The following STAM2 variants were observed in gnomAD, a reference collection of about 807,000 sequenced individuals.
STAM2 encodes the protein signal transducing adapter molecule 2.
STAM2 carries 51 observed loss-of-function variants against 65.6 expected under a neutral mutation model. That is an observed-to-expected ratio of 0.78 (90% CI 0.62 to 0.98). The LOEUF is 0.98. Ranked by LOEUF, STAM2 falls within the 50% of genes least tolerant of loss-of-function variation. The pLI is 0.00. For missense variants in STAM2, 584 were observed against 617.8 expected (o/e 0.95, Z 0.58); for synonymous variants, 198 against 208.4 (o/e 0.95, Z 0.43).
At chr2:152,121,918 C>G (rs757983854) in intron 13 of STAM2, among the ~76,000 whole-genome samples, 2 of 151,730 alleles carry the variant, frequency 1.3e-5, no homozygotes, top group Non-Finnish European at 2.9e-5. Flanking sequence ...TGTGGTGGCA[C>G]GCGCCTGTAG....
chr2:152,150,422 G>A (rs1327432881), intron 1 of STAM2, among the ~76,000 whole-genome samples, 193 bp from the exon 2 acceptor site: 2 of 152,142 alleles, frequency 1.3e-5, no homozygotes, highest in African/African-American at 4.8e-5. Context: ...AATATCTTGA[G>A]GTAAAGCAAT....
chr2:152,161,011 T>C (rs1262792829), intron 1 of STAM2, among the ~76,000 whole-genome samples: 1 of 152,058 alleles, frequency 6.6e-6, no homozygotes, highest in African/African-American at 2.4e-5. Flanking sequence ...CAACAGCTCA[T>C]TGAGAGTGGG....
rs758630598 is a variant in STAM2, at chr2:152,133,310, G to A, written c.883-50C>T. 8.4e-6 allele frequency: 13 copies of A among 1,544,750 alleles called. No homozygotes were observed. In the South Asian group the frequency reaches 1.4e-4, roughly 16 times the overall value. Reference sequence around the variant, plus strand: ...CAAAAACTCAAGAGTTTTAACTTCAGTAAATATGAAATTACTCTTTCCAAG... The same window carrying A: ...CAAAAACTCAAGAGTTTTAACTTCAATAAATATGAAATTACTCTTTCCAAG... On this transcript the variant is annotated intron_variant, in intron 9 of 13. Transcript: ENST00000263904.
chr2:152,162,790 G>A (rs554358355), intron 1 of STAM2, among the ~76,000 whole-genome samples: 6 of 148,324 alleles, frequency 4.0e-5, no homozygotes, highest in Non-Finnish European at 7.4e-5. Context: ...ATAGGCGCAC[G>A]CCACCATGCC....
intron 8 of STAM2, among the ~76,000 whole-genome samples, chr2:152,135,126 C>T (rs1353567780): frequency 6.6e-6 from 1 of 152,212 alleles, no homozygotes; most frequent in Non-Finnish European, 1.5e-5. Flanking sequence ...CAACCACAAC[C>T]TCCCCACACC....
At chr2:152,141,661 G>C (rs986853578) in intron 7 of STAM2, among the ~76,000 whole-genome samples, 1 of 151,226 alleles carries the variant, frequency 6.6e-6, no homozygotes, top group Non-Finnish European at 1.5e-5. Context: ...CACGATCTCG[G>C]CTCACTGCAA....
chr2:152,144,909 C>CT lies in STAM2; in HGVS notation c.495dup (p.Glu166ArgfsTer3). ...TTACCTTTAGCTATGTCTTCATCCT[C>CT]TTTGTTTTTGTTCGATGACGTACCA... On this transcript the variant is annotated frameshift_variant, in exon 6 of 14. Transcript: ENST00000263904. LOFTEE classifies it high-confidence loss of function. 6.2e-7 allele frequency: 1 copy of CT among 1,613,992 alleles called. No individual in the cohort carries two copies. The highest frequency in any genetic ancestry group is 2.2e-5 in the East Asian group (1 of 44,866).
rs769816210 is a variant in STAM2 at position 152,133,224 on chromosome 2, T to C, written c.919A>G (p.Ile307Val). Reference protein sequence around the residue: ...MDRALQVLQSIDPTDSKPDSQ... With the variant: ...MDRALQVLQSVDPTDSKPDSQ... ...TCTGGTTTTGAATCTGTTGGATCTA[T>C]ACTCTGAAGTACCTGCAGGGCTCTA... is the stretch of plus-strand genomic sequence containing the variant. Residue 307 changes from isoleucine (I) to valine (V), a missense_variant, in exon 10 of 14, where the codon ATA becomes GTA. By Grantham distance (29) the Ile-to-Val change is conservative. Transcript: ENST00000263904. The C allele has an allele frequency of 7.5e-6, 12 of 1,610,306 alleles. No homozygotes were observed. Among genetic ancestry groups the C allele is most frequent in the Non-Finnish European group, 9.3e-6 (11 of 1,178,486 alleles).
In STAM2 at chr2:152,147,184, G is replaced by A; in HGVS notation, c.425C>T (p.Thr142Ile). Reference sequence around the variant, plus strand: ...CACCTGAGAACCTGCTGGAGGAAAAGTAATTCCTTCTTCTTTCATAGATTT... The same window carrying A: ...CACCTGAGAACCTGCTGGAGGAAAAATAATTCCTTCTTCTTTCATAGATTT... Reference protein sequence around the residue: ...TIKSMKEEGITFPPAGSQTVS... With the variant: ...TIKSMKEEGIIFPPAGSQTVS... The change falls in exon 5 of 14, where the codon ACT (threonine) becomes ATT (isoleucine). Residue 142 changes from threonine to isoleucine, a missense_variant. Thr to Ile is a moderately conservative substitution (Grantham distance 89, BLOSUM62 -1). Transcript: ENST00000263904. 1 of 1,607,430 alleles carries A rather than the reference G, an allele frequency of 6.2e-7. No homozygotes were observed. Among genetic ancestry groups the A allele is most frequent in the Non-Finnish European group, 8.5e-7 (1 of 1,178,046 alleles).
rs531404435 is a variant in STAM2, at chr2:152,173,207, G to A, written c.40+2396C>T. ...CTGAATGAAGAGTGAACAAAGGAATGACCAAAAAAAAAAAAGGGTAACAAA... is the reference window on the plus strand; with the variant it reads ...CTGAATGAAGAGTGAACAAAGGAATAACCAAAAAAAAAAAAGGGTAACAAA... On this transcript the variant is annotated intron_variant, in intron 1 of 13. Transcript: ENST00000263904. Among the ~76,000 whole-genome samples, 375 of 140,212 alleles carry A rather than the reference G, an allele frequency of 2.7e-3. 4 individuals carry two copies. Among genetic ancestry groups the A allele is most frequent in the Middle Eastern group, 0.025 (7 of 280 alleles). 92.0% of individuals were successfully genotyped at this position (140,212 alleles called of 152,430 possible).
chr2:152,144,889 TTTA>T lies in STAM2; in HGVS notation c.513_515del (p.Lys172del), dbSNP rs1416825439. On this transcript the variant is annotated inframe_deletion and splice_region_variant, in exon 6 of 14. Coordinates refer to ENST00000263904, the MANE Select transcript of STAM2 (RefSeq NM_005843.6). ...AATTACATGTGCTTGATCATTTACC[TTTA>T]GCTATGTCTTCATCCTCTTTGTTTT... is the stretch of plus-strand genomic sequence containing the variant. The T allele has an allele frequency of 2.5e-6, 4 of 1,613,194 alleles. No individual in the cohort carries two copies. The highest frequency in any genetic ancestry group is 3.4e-6 in the Non-Finnish European group (4 of 1,179,284).
chr2:152,139,038 C>T (rs1280691115), intron 7 of STAM2, among the ~76,000 whole-genome samples: 2 of 152,114 alleles, frequency 1.3e-5, no homozygotes, highest in Non-Finnish European at 2.9e-5. Flanking sequence ...CAACTCCTTC[C>T]CAGCCCTAAT....
chr2:152,139,359 G>T (rs1477457218), intron 7 of STAM2, among the ~76,000 whole-genome samples: 3 of 152,060 alleles, frequency 2.0e-5, no homozygotes, highest in African/African-American at 7.2e-5. Flanking sequence ...GTACCTTCAG[G>T]CTAAGCACTG....
At chr2:152,156,145 C>T (rs1480654881) in intron 1 of STAM2, among the ~76,000 whole-genome samples, 1 of 152,086 alleles carries the variant, frequency 6.6e-6, no homozygotes, top group Non-Finnish European at 1.5e-5. Flanking sequence ...TCTAAAGCCG[C>T]CCAACAATTT....
intron 11 of STAM2, among the ~76,000 whole-genome samples, chr2:152,127,427 C>A (rs1230504161): frequency 6.6e-6 from 1 of 151,820 alleles, no homozygotes; most frequent in Non-Finnish European, 1.5e-5. Context: ...AAAGAAAATT[C>A]TCAATTTGGG....
intron 5 of STAM2, among the ~76,000 whole-genome samples, chr2:152,146,422 A>T (rs1160579516): frequency 6.6e-6 from 1 of 151,974 alleles, no homozygotes; most frequent in East Asian, 1.9e-4. Flanking sequence ...AAGGAATAGT[A>T]TTTTTCTCCC....
intron 11 of STAM2, among the ~76,000 whole-genome samples, chr2:152,130,738 C>T (rs1689044531): frequency 6.6e-6 from 1 of 150,490 alleles, no homozygotes; most frequent in Non-Finnish European, 1.5e-5. Context: ...GTGGCTCACA[C>T]CTGTAATCCC....
intron 1 of STAM2, among the ~76,000 whole-genome samples, chr2:152,152,985 G>A (rs1164748887): frequency 6.6e-6 from 1 of 152,076 alleles, no homozygotes; most frequent in African/African-American, 2.4e-5. Flanking sequence ...ATCTTTTTTT[G>A]TGGTCTGAAA....
intron 5 of STAM2, among the ~76,000 whole-genome samples, chr2:152,145,502 A>T (rs1689322301): frequency 6.6e-6 from 1 of 152,270 alleles, no homozygotes; most frequent in African/African-American, 2.4e-5. Context: ...AATGTAACAC[A>T]GAACTTGGCA....
Sources: gnomAD v4.1 joint callset for allele counts (sites outside exome capture counted in the v4.1 genomes callset) on GRCh38, gnomAD v4.1.1 for gene constraint, MANE v1.5 for transcripts, NCBI Gene and HGNC (gene_info 2026-07-23, HGNC 2026-07-21) for gene names.